Variants in TMEM74 observed in about 807,000 individuals in gnomAD.
TMEM74 encodes transmembrane protein 74.
Under a neutral mutation model 18.1 loss-of-function variants are expected in TMEM74, and 13 were observed. That is an observed-to-expected ratio of 0.72 (90% CI 0.47 to 1.14). TMEM74 has a LOEUF of 1.14. TMEM74 is among the 50% of genes most tolerant of loss of function. TMEM74 has a pLI of 0.00. For synonymous variants in TMEM74, 159 were observed against 146.6 expected (o/e 1.08, Z -0.61); for missense variants, 372 against 375.9 (o/e 0.99, Z 0.09).
At chr8:108,662,766 A>T (rs1360145042) in intron 1 of TMEM74, among the ~76,000 whole-genome samples, 1 of 152,068 alleles carries the variant, frequency 6.6e-6, no homozygotes, top group East Asian at 1.9e-4. Flanking sequence ...AGCTCTGGGG[A>T]ATCTGGTTGC....
In TMEM74 at chr8:108,723,053, G is replaced by T. The variant is rs1025020567; in HGVS notation, n.119+64423C>A. ...GTTCCTTACAGGGCTGAGCACACAC[G>T]CATCTCTTTCCTGGGCTGGGTACAG... On this transcript the variant is annotated intron_variant and non_coding_transcript_variant, in intron 1 of 3. Transcript: ENST00000518838. Among the ~76,000 whole-genome samples the T allele has an allele frequency of 3.3e-5, 5 of 152,136 alleles. No homozygotes were observed. In the South Asian group the frequency reaches 1.0e-3, roughly 32 times the overall value.
chr8:108,753,947 A>G (rs919513233), intron 1 of TMEM74, among the ~76,000 whole-genome samples: 1 of 152,094 alleles, frequency 6.6e-6, no homozygotes, highest in Admixed American at 6.6e-5. Context: ...TTCAGAATGC[A>G]TAAAAATTAC....
At chr8:108,640,031 T>G (rs1322270077) in intron 2 of TMEM74, among the ~76,000 whole-genome samples, 1 of 152,016 alleles carries the variant, frequency 6.6e-6, no homozygotes. Context: ...GCCTAGATAC[T>G]TCTTCTATGT....
intron 2 of TMEM74, among the ~76,000 whole-genome samples, chr8:108,634,845 C>G (rs1282634182): frequency 6.6e-6 from 1 of 152,042 alleles, no homozygotes; most frequent in Non-Finnish European, 1.5e-5. Context: ...ATGAATTGCA[C>G]TTCAGAGTGA....
chr8:108,718,254 G>A lies in TMEM74; in HGVS notation n.120-62817C>T, dbSNP rs187414499. On this transcript the variant is annotated intron_variant and non_coding_transcript_variant, in intron 1 of 3. Coordinates refer to the TMEM74 transcript ENST00000518838. Reference sequence around the variant, plus strand: ...ATTACAGGCGTGAGCCACCGCGCCCGGCCCTGACTTAGGTTTTAAAAGGAC... The same window carrying A: ...ATTACAGGCGTGAGCCACCGCGCCCAGCCCTGACTTAGGTTTTAAAAGGAC... 9.8e-4 allele frequency among the ~76,000 whole-genome samples: 70 copies of A among 71,100 alleles called. 12 individuals are homozygous for A. In the East Asian group the frequency reaches 0.018, roughly 18 times the overall value. The allele number at this position is 71,100 out of a possible 152,430, so 46.6% of individuals were successfully genotyped here. A position where few individuals can be genotyped will look rare whatever the true frequency, so the allele number is the denominator to read the frequency against.
intron 2 of TMEM74, among the ~76,000 whole-genome samples, chr8:108,649,943 A>G (rs1016105324): frequency 6.6e-6 from 1 of 152,144 alleles, no homozygotes; most frequent in African/African-American, 2.4e-5. Flanking sequence ...GCCATCAGAT[A>G]TTAACAGTTT....
At chr8:108,684,748 T>G (rs1422428299) in intron 1 of TMEM74, among the ~76,000 whole-genome samples, 1 of 151,768 alleles carries the variant, frequency 6.6e-6, no homozygotes, top group Admixed American at 6.6e-5. Context: ...CATTTTGAGT[T>G]GATTTTTGTA....
intron 2 of TMEM74, among the ~76,000 whole-genome samples, chr8:108,648,057 A>G (rs1812737662): frequency 6.6e-6 from 1 of 152,168 alleles, no homozygotes; most frequent in Non-Finnish European, 1.5e-5. Flanking sequence ...AGACGTTCTC[A>G]CTCACATATT....
chr8:108,754,103 C>T (rs1163320335), intron 1 of TMEM74, among the ~76,000 whole-genome samples: 3 of 152,022 alleles, frequency 2.0e-5, no homozygotes, highest in African/African-American at 7.2e-5. Context: ...GAATATAATA[C>T]ACATCTTTAA....
chr8:108,608,298 C>CAA (rs374774953), intron 3 of TMEM74, among the ~76,000 whole-genome samples: 6 of 72,574 alleles, frequency 8.3e-5, no homozygotes, highest in African/African-American at 1.6e-4. Flanking sequence ...AAGACTCTGT[C>CAA]AAAAAAAAAA....
At chr8:108,687,814 G>A (rs1259226040) in intron 1 of TMEM74, among the ~76,000 whole-genome samples, 1 of 152,068 alleles carries the variant, frequency 6.6e-6, no homozygotes, top group Non-Finnish European at 1.5e-5. Flanking sequence ...ATGGGGAGTG[G>A]CTGTATATAC....
chr8:108,680,466 A>G (rs954613752), intron 1 of TMEM74, among the ~76,000 whole-genome samples: 2 of 152,092 alleles, frequency 1.3e-5, no homozygotes, highest in Non-Finnish European at 2.9e-5. Flanking sequence ...AAATTCAACA[A>G]CCCTTCATGC....
chr8:108,706,529 G>T (rs1813397549), intron 1 of TMEM74, among the ~76,000 whole-genome samples: 1 of 152,106 alleles, frequency 6.6e-6, no homozygotes, highest in Non-Finnish European at 1.5e-5. Flanking sequence ...GAATTGAATT[G>T]CACATTGAAG....
chr8:108,643,735 A>G (rs1812688489), intron 2 of TMEM74, among the ~76,000 whole-genome samples: 1 of 151,292 alleles, frequency 6.6e-6, no homozygotes, highest in Non-Finnish European at 1.5e-5. Context: ...GCAAGAATGC[A>G]TATCCCATTC....
intron 1 of TMEM74, among the ~76,000 whole-genome samples, chr8:108,719,299 T>G (rs1029598328): frequency 2.0e-5 from 3 of 152,120 alleles, no homozygotes; most frequent in Non-Finnish European, 2.9e-5. Context: ...CTACCTATTT[T>G]GTTAATATTT....
At chr8:108,717,573 G>T (rs1333433887) in intron 1 of TMEM74, among the ~76,000 whole-genome samples, 7 of 152,224 alleles carry the variant, frequency 4.6e-5, no homozygotes, top group African/African-American at 1.4e-4. Context: ...AGAAACAAAG[G>T]GTGACAGGCA....
intron 2 of TMEM74, among the ~76,000 whole-genome samples, chr8:108,632,037 T>C (rs1812557774): frequency 6.6e-6 from 1 of 151,940 alleles, no homozygotes. Flanking sequence ...CCATTTCAAC[T>C]GGGAGGCAGG....
At chr8:108,635,387 C>A (rs764166208) in intron 2 of TMEM74, among the ~76,000 whole-genome samples, 32 of 151,938 alleles carry the variant, frequency 2.1e-4, no homozygotes, top group Non-Finnish European at 4.6e-4. Context: ...TTTCTGCATA[C>A]CATAGAGTTA....
intron 2 of TMEM74, among the ~76,000 whole-genome samples, chr8:108,645,569 C>CCA (rs1812709764): frequency 6.6e-6 from 1 of 152,034 alleles, no homozygotes; most frequent in African/African-American, 2.4e-5. Flanking sequence ...GAAGCTTGAC[C>CCA]CATTTCATGA....
Sources: allele counts gnomAD v4.1 joint callset (sites outside exome capture counted in the v4.1 genomes callset), GRCh38; gene constraint gnomAD v4.1.1; transcripts MANE v1.5; gene names NCBI Gene and HGNC (gene_info 2026-07-23, HGNC 2026-07-21).